Variants in CHAF1B observed in about 807,000 individuals in gnomAD.
The protein encoded by CHAF1B is chromatin assembly factor 1 subunit B.
Under a neutral mutation model 60.7 loss-of-function variants are expected in CHAF1B, and 10 were observed. That is an observed-to-expected ratio of 0.16 (90% confidence interval 0.10 to 0.28). The LOEUF is 0.28. CHAF1B is among the 10% of genes least tolerant of loss of function. The pLI is 1.00. For missense variants in CHAF1B, 558 were observed against 708.4 expected (o/e 0.79, Z 2.41); for synonymous variants, 261 against 266.1 (o/e 0.98, Z 0.19).
intron 10 of CHAF1B, 81 bp from the exon 11 acceptor site, chr21:36,411,381 TG>T: frequency 6.4e-7 from 1 of 1,557,560 alleles, no homozygotes; most frequent in African/African-American, 1.4e-5. Context: ...CCCAAAGTGC[TG>T]GGATTCTAGG....
intron 5 of CHAF1B, 97 bp from the exon 6 acceptor site, chr21:36,397,318 T>A: frequency 2.0e-6 from 1 of 501,460 alleles, no homozygotes. Flanking sequence ...TGATGCGTGG[T>A]AAAGGGAATA....
At chr21:36,392,616 C>T (rs564666073) in intron 4 of CHAF1B, among the ~76,000 whole-genome samples, 47 of 151,392 alleles carry the variant, frequency 3.1e-4, no homozygotes, top group South Asian at 2.1e-3. Flanking sequence ...CCAGACGGGG[C>T]GGCTGCTGGG....
intron 4 of CHAF1B, among the ~76,000 whole-genome samples, chr21:36,392,400 G>A (rs903333913): frequency 2.0e-5 from 3 of 152,252 alleles, no homozygotes; most frequent in Admixed American, 2.0e-4. Context: ...CGACAAAACC[G>A]CCATCGTCAT....
chr21:36,386,088 AAGT>A lies in CHAF1B; in HGVS notation c.-46_-44del, dbSNP rs1374457681. 1 of 1,610,250 alleles carries A rather than the reference AAGT, an allele frequency of 6.2e-7. No homozygotes were observed. Among genetic ancestry groups the A allele is most frequent in the African/African-American group, 1.3e-5 (1 of 74,842 alleles). On this transcript the variant is annotated 5_prime_UTR_variant, in exon 2 of 14. Coordinates refer to ENST00000314103, the MANE Select transcript of CHAF1B (RefSeq NM_005441.3). ...TTTGCAGCTTTCTCCTGTCTTGAAGAAGTAGAACGGTGCCCGAGAAACGTTTTT... is the reference window on the plus strand; with the variant it reads ...TTTGCAGCTTTCTCCTGTCTTGAAGAAGAACGGTGCCCGAGAAACGTTTTT...
At chr21:36,392,993 C>T (rs900755110) in intron 4 of CHAF1B, among the ~76,000 whole-genome samples, 9 of 152,158 alleles carry the variant, frequency 5.9e-5, no homozygotes, top group Non-Finnish European at 1.0e-4. Flanking sequence ...GCAGATCACT[C>T]GCGATTAGGA....
At chr21:36,387,514 C>G in intron 2 of CHAF1B, 84 bp from the exon 3 acceptor site, 1 of 1,537,606 alleles carries the variant, frequency 6.5e-7, no homozygotes, top group African/African-American at 1.4e-5. Context: ...AGCCACCACA[C>G]CCAGCCCATA....
Position 36,413,423 on chromosome 21 carries a change from C to T in CHAF1B, c.1493+108C>T. 3.9e-6 allele frequency: 4 copies of T among 1,029,836 alleles called. No individual in the cohort carries two copies. In the South Asian group the frequency reaches 5.0e-5, roughly 13 times the overall value. 63.8% of individuals were successfully genotyped at this position (1,029,836 alleles called of 1,614,324 possible). On this transcript the variant is annotated intron_variant, in intron 12 of 13. Transcript: ENST00000314103. ...ATTTCAGGCGGTGAATGCTTCATGCCAGTAGGTTGCCAGAGAGATTCTTAA... is the reference window on the plus strand; with the variant it reads ...ATTTCAGGCGGTGAATGCTTCATGCTAGTAGGTTGCCAGAGAGATTCTTAA...
intron 10 of CHAF1B, 61 bp downstream of exon 10, chr21:36,409,526 G>A (rs2086261559): frequency 4.7e-6 from 6 of 1,264,044 alleles, no homozygotes; most frequent in Non-Finnish European, 6.9e-6. Context: ...ACCAGAGTGG[G>A]GTGGAGATTT....
chr21:36,404,592 G>C (rs1381194265), intron 8 of CHAF1B, among the ~76,000 whole-genome samples: 7 of 143,546 alleles, frequency 4.9e-5, no homozygotes, highest in Non-Finnish European at 1.1e-4. Flanking sequence ...GCGCCACCAC[G>C]CCCAGCTAAT....
chr21:36,394,730 CTTT>C (rs370521957), intron 5 of CHAF1B, 80 bp downstream of exon 5: 7,656 of 525,130 alleles, frequency 0.015, no homozygotes, highest in East Asian at 0.021. Flanking sequence ...CTTGCTTTAA[CTTT>C]TTTTTTTTTT....
intron 3 of CHAF1B, among the ~76,000 whole-genome samples, chr21:36,390,518 AG>A (rs1569120254): frequency 6.6e-6 from 1 of 152,152 alleles, no homozygotes; most frequent in Non-Finnish European, 1.5e-5. Context: ...GGGTGACCTC[AG>A]GCTAAAGTAC....
rs200144938 is a variant in CHAF1B at position 36,411,590 on chromosome 21, C to G, written c.1047C>G (p.Leu349=). ...TGTCTAATATACATTACCACACCCT[C>G]AGTGACATTTCATGGTGAGTGGCTG... ...GYVSNIHYHT[L]SDISWSSDGA... is the part of the protein sequence containing the mutation. The change falls in exon 11 of 14, where the codon CTC becomes CTG. Residue 349 remains leucine, a synonymous_variant. Transcript: ENST00000314103. 735 of 1,614,058 alleles carry G rather than the reference C, an allele frequency of 4.6e-4. 9 individuals carry two copies. The South Asian group carries it at 7.7e-3, about 17-fold the overall frequency.
intron 3 of CHAF1B, among the ~76,000 whole-genome samples, chr21:36,390,091 T>A (rs1286910816): frequency 1.3e-5 from 2 of 151,908 alleles, no homozygotes; most frequent in African/African-American, 4.8e-5. Context: ...CCCAGCACTT[T>A]GGGAGGCTGA....
At chr21:36,414,963 A>G (rs1345846869) in intron 12 of CHAF1B, among the ~76,000 whole-genome samples, 2 of 152,174 alleles carry the variant, frequency 1.3e-5, no homozygotes, top group Non-Finnish European at 2.9e-5. Flanking sequence ...CGCTTTCTAT[A>G]TATAGAAACC....
At chr21:36,396,767 G>A (rs555652853) in intron 5 of CHAF1B, among the ~76,000 whole-genome samples, 14 of 152,144 alleles carry the variant, frequency 9.2e-5, no homozygotes, top group Middle Eastern at 3.4e-3. Flanking sequence ...TTCCATCCCT[G>A]TTCGCATTGT....
intron 2 of CHAF1B, among the ~76,000 whole-genome samples, chr21:36,387,089 TC>T (rs2146358335): frequency 2.0e-5 from 3 of 152,288 alleles, no homozygotes; most frequent in African/African-American, 7.2e-5. Flanking sequence ...TGATCCTGGT[TC>T]CTACTGGGTA....
At chr21:36,388,467 A>AG (rs1405842805) in intron 3 of CHAF1B, among the ~76,000 whole-genome samples, 2 of 130,092 alleles carry the variant, frequency 1.5e-5, no homozygotes, top group Non-Finnish European at 1.6e-5. Context: ...TGGCTTTGGG[A>AG]GTTTTTTTTT....
At chr21:36,412,839 G>A in intron 11 of CHAF1B, 45 bp from the exon 12 acceptor site, 12 of 1,557,076 alleles carry the variant, frequency 7.7e-6, no homozygotes, top group Non-Finnish European at 1.0e-5. Flanking sequence ...GTAGATGTGA[G>A]AGTGTTGGTA....
chr21:36,411,944 G>T (rs1364691601), intron 11 of CHAF1B, among the ~76,000 whole-genome samples: 1 of 152,040 alleles, frequency 6.6e-6, no homozygotes, highest in Non-Finnish European at 1.5e-5. Flanking sequence ...GGCCAGGCTG[G>T]TATCAAACTC....
Sources: gnomAD v4.1 joint callset for allele counts (sites outside exome capture counted in the v4.1 genomes callset) on GRCh38, gnomAD v4.1.1 for gene constraint, MANE v1.5 for transcripts, NCBI Gene and HGNC (gene_info 2026-07-23, HGNC 2026-07-21) for gene names.